Variants in TMEM132D observed in about 807,000 individuals in gnomAD.
TMEM132D encodes the protein transmembrane protein 132D.
Under a neutral mutation model 62.3 loss-of-function variants are expected in TMEM132D, and 21 were observed. The ratio of observed to expected loss-of-function variants is 0.34; its 90% CI spans 0.24 to 0.49. The LOEUF is 0.49. TMEM132D is among the 20% of genes least tolerant of loss of function. The pLI is 0.99. For missense variants in TMEM132D, 1,346 were observed against 1,402.8 expected (o/e 0.96, Z 0.65); for synonymous variants, 621 against 575.6 (o/e 1.08, Z -1.13).
At chr12:129,723,971 G>A (rs913081483) in intron 1 of TMEM132D, among the ~76,000 whole-genome samples, 1 of 152,062 alleles carries the variant, frequency 6.6e-6, no homozygotes, top group Non-Finnish European at 1.5e-5. Flanking sequence ...CCCTTAAATG[G>A]AACTTTGCAG....
At position 129,878,855 on chromosome 12, in the gene TMEM132D, C is replaced by T. The variant is rs147266948; in HGVS notation, c.79+24406G>A. Reference sequence around the variant, plus strand: ...AAGTGCTGGGATTACAGGTGTGAGCCGCTGCACCCGGCCTACAGATTGCTT... The same window carrying T: ...AAGTGCTGGGATTACAGGTGTGAGCTGCTGCACCCGGCCTACAGATTGCTT... On this transcript the variant is annotated intron_variant, in intron 1 of 8. Transcript: ENST00000422113. Among the ~76,000 whole-genome samples, 928 of 152,192 alleles carry T rather than the reference C, an allele frequency of 6.1e-3. 11 individuals are homozygous for T. The highest frequency in any genetic ancestry group is 0.021 in the African/African-American group (860 of 41,540).
intron 3 of TMEM132D, among the ~76,000 whole-genome samples, chr12:129,512,238 C>A (rs747722953): frequency 6.6e-6 from 1 of 152,156 alleles, no homozygotes; most frequent in Non-Finnish European, 1.5e-5. Flanking sequence ...CCGGCATGCA[C>A]CTGAATTGCA....
intron 5 of TMEM132D, among the ~76,000 whole-genome samples, chr12:129,199,379 G>A (rs1024193201): frequency 1.3e-5 from 2 of 152,220 alleles, no homozygotes; most frequent in African/African-American, 4.8e-5. Flanking sequence ...TGGGATTACA[G>A]GTGTGAACCA....
chr12:129,568,931 G>C (rs552958234), intron 2 of TMEM132D, among the ~76,000 whole-genome samples: 1 of 152,132 alleles, frequency 6.6e-6, no homozygotes, highest in South Asian at 2.1e-4. Flanking sequence ...GCATCCATAA[G>C]AGTCACCTGG....
At chr12:129,579,443 G>T (rs1263331702) in intron 2 of TMEM132D, among the ~76,000 whole-genome samples, 1 of 152,168 alleles carries the variant, frequency 6.6e-6, no homozygotes, top group South Asian at 2.1e-4. Flanking sequence ...AAGCTGAGGA[G>T]CAAAGAGGCC....
At chr12:129,286,110 C>T (rs1049087455) in intron 4 of TMEM132D, among the ~76,000 whole-genome samples, 2 of 152,188 alleles carry the variant, frequency 1.3e-5, no homozygotes, top group Non-Finnish European at 2.9e-5. Context: ...AAGAAAGTTT[C>T]TCTAGTTTTA....
intron 5 of TMEM132D, among the ~76,000 whole-genome samples, chr12:129,136,684 T>C (rs940304014): frequency 2.1e-5 from 3 of 143,994 alleles, no homozygotes; most frequent in Non-Finnish European, 4.6e-5. Context: ...ATCACTGCCA[T>C]CATCATCAAC....
intron 1 of TMEM132D, 133 bp from the exon 2 acceptor site, chr12:129,700,831 C>A: frequency 9.8e-7 from 1 of 1,017,918 alleles, no homozygotes; most frequent in Non-Finnish European, 1.4e-6. Context: ...TTATCCAAAC[C>A]TCTTAATCCA....
At chr12:129,080,828 C>A (rs1874423534) in intron 7 of TMEM132D, among the ~76,000 whole-genome samples, 1 of 152,134 alleles carries the variant, frequency 6.6e-6, no homozygotes, top group African/African-American at 2.4e-5. Flanking sequence ...AGGTAAATGA[C>A]CAAACCCTTA....
chr12:129,476,966 A>G (rs1288688798), intron 3 of TMEM132D, among the ~76,000 whole-genome samples: 1 of 152,174 alleles, frequency 6.6e-6, no homozygotes, highest in Non-Finnish European at 1.5e-5. Flanking sequence ...GTGACAACCA[A>G]CTTTTATAAA....
At chr12:129,665,506 T>A (rs76034516) in intron 2 of TMEM132D, among the ~76,000 whole-genome samples, 6 of 145,966 alleles carry the variant, frequency 4.1e-5, no homozygotes, top group South Asian at 4.4e-4. Flanking sequence ...GCTTCTAGGC[T>A]TTTTTTTTTC....
intron 2 of TMEM132D, among the ~76,000 whole-genome samples, chr12:129,550,601 C>G (rs1021569253): frequency 6.6e-6 from 1 of 152,174 alleles, no homozygotes; most frequent in African/African-American, 2.4e-5. Context: ...CAGCCATTAC[C>G]AGTCTGCAGT....
chr12:129,504,026 T>C (rs527667152), intron 3 of TMEM132D, among the ~76,000 whole-genome samples: 35 of 151,752 alleles, frequency 2.3e-4, no homozygotes, highest in African/African-American at 8.0e-4. Flanking sequence ...ATCATCACTA[T>C]TGTCATCATC....
rs369621098 is a variant in TMEM132D, at chr12:129,098,230, A to C, written c.1444-13528T>G. Among the ~76,000 whole-genome samples the C allele has an allele frequency of 4.4e-4, 67 of 152,364 alleles. No individual in the cohort carries two copies. The South Asian group carries it at 0.013, about 31-fold the overall frequency. On this transcript the variant is annotated intron_variant, in intron 5 of 8. Coordinates refer to ENST00000422113, the MANE Select transcript of TMEM132D (RefSeq NM_133448.3). ...ATGAATAAGACAGAAAAGAGAGCTCAGAAACAGACCTGCATAAATGTGGCC... is the reference window on the plus strand; with the variant it reads ...ATGAATAAGACAGAAAAGAGAGCTCCGAAACAGACCTGCATAAATGTGGCC...
rs77299911 is a variant in TMEM132D at position 129,513,283 on chromosome 12, C to T, written c.1115+17776G>A. On this transcript the variant is annotated intron_variant, in intron 3 of 8. Transcript: ENST00000422113. Reference sequence around the variant, plus strand: ...TCTTAAGGGAACCTAACCACTCCCTCAAGAACCAATCCAGCCTTTTGAGGG... The same window carrying T: ...TCTTAAGGGAACCTAACCACTCCCTTAAGAACCAATCCAGCCTTTTGAGGG... Among the ~76,000 whole-genome samples the T allele has an allele frequency of 2.1e-3, 321 of 152,226 alleles. 1 individual carries two copies. The highest frequency in any genetic ancestry group is 7.6e-3 in the African/African-American group (315 of 41,550).
At chr12:129,680,683 G>C (rs564869607) in intron 2 of TMEM132D, among the ~76,000 whole-genome samples, 48 of 152,294 alleles carry the variant, frequency 3.2e-4, no homozygotes, top group Middle Eastern at 6.8e-3. Flanking sequence ...CTGACAAGAA[G>C]AACTTTAGTA....
intron 4 of TMEM132D, among the ~76,000 whole-genome samples, chr12:129,271,468 G>T (rs1880851884): frequency 6.6e-6 from 1 of 151,594 alleles, no homozygotes; most frequent in Admixed American, 6.6e-5. Flanking sequence ...AGGTATACGT[G>T]TACCAGGGTG....
chr12:129,690,492 TAAAG>T (rs2137216409), intron 2 of TMEM132D, among the ~76,000 whole-genome samples: 1 of 152,138 alleles, frequency 6.6e-6, no homozygotes, highest in Non-Finnish European at 1.5e-5. Flanking sequence ...AAGTTAAAAG[TAAAG>T]AGAGAGAAAG....
chr12:129,283,991 C>T (rs1881228447), intron 4 of TMEM132D, among the ~76,000 whole-genome samples: 1 of 152,248 alleles, frequency 6.6e-6, no homozygotes, highest in Non-Finnish European at 1.5e-5. Flanking sequence ...CAGCTTCTTT[C>T]TTATTCTTGA....
Sources: gnomAD v4.1 joint callset for allele counts (sites outside exome capture counted in the v4.1 genomes callset) on GRCh38, gnomAD v4.1.1 for gene constraint, MANE v1.5 for transcripts, NCBI Gene and HGNC (gene_info 2026-07-23, HGNC 2026-07-21) for gene names.